Variants in SUPT3H observed in about 807,000 individuals in gnomAD.
SUPT3H encodes transcription initiation protein SPT3 homolog.
Under a neutral mutation model 44.3 loss-of-function variants are expected in SUPT3H, and 44 were observed. The observed-to-expected ratio is 0.99, with a 90% CI of 0.78 to 1.28. SUPT3H has a LOEUF of 1.28. SUPT3H is among the 50% of genes most tolerant of loss of function. The probability of loss-of-function intolerance (pLI) is 0.00; values close to 1 mark genes in which losing one functional copy is unlikely to be tolerated. For missense variants in SUPT3H, 380 were observed against 387.1 expected (o/e 0.98, Z 0.15); for synonymous variants, 124 against 125.6 (o/e 0.99, Z 0.09).
intron 3 of SUPT3H, among the ~76,000 whole-genome samples, chr6:45,100,089 C>T (rs139062494): frequency 6.8e-4 from 104 of 152,142 alleles, no homozygotes; most frequent in Non-Finnish European, 1.1e-3. Flanking sequence ...AAAATCAACT[C>T]AAAATGAATT....
chr6:45,255,702 C>T (rs1432689183), intron 2 of SUPT3H, among the ~76,000 whole-genome samples: 1 of 152,094 alleles, frequency 6.6e-6, no homozygotes, highest in Non-Finnish European at 1.5e-5. Flanking sequence ...GGACTAAAAG[C>T]ATGACCCATC....
chr6:45,031,681 A>C (rs1056351377), intron 3 of SUPT3H, among the ~76,000 whole-genome samples: 1 of 152,154 alleles, frequency 6.6e-6, no homozygotes, highest in Admixed American at 6.6e-5. Context: ...CTAGTGTTTA[A>C]CCCTGGGTAT....
intron 3 of SUPT3H, among the ~76,000 whole-genome samples, chr6:45,059,290 A>G (rs761455622): frequency 1.3e-5 from 2 of 152,184 alleles, no homozygotes; most frequent in Non-Finnish European, 2.9e-5. Context: ...AACATATGCA[A>G]ATCAATAAAT....
intron 10 of SUPT3H, among the ~76,000 whole-genome samples, chr6:44,871,060 G>A (rs1220334669): frequency 2.0e-5 from 3 of 149,452 alleles, no homozygotes; most frequent in East Asian, 2.0e-4. Flanking sequence ...AGGCGGCAAC[G>A]AGGCTGGGGG....
intron 1 of SUPT3H, among the ~76,000 whole-genome samples, chr6:45,373,126 A>G (rs1190060220): frequency 1.3e-5 from 2 of 151,556 alleles, no homozygotes; most frequent in East Asian, 3.9e-4. Context: ...TTTGTTTTAA[A>G]TTTTTTCTAG....
intron 10 of SUPT3H, among the ~76,000 whole-genome samples, chr6:44,895,137 G>A (rs1763924998): frequency 6.6e-6 from 1 of 151,648 alleles, no homozygotes; most frequent in Non-Finnish European, 1.5e-5. Context: ...TGAACCATAA[G>A]AAAGTCCATT....
intron 2 of SUPT3H, among the ~76,000 whole-genome samples, chr6:45,226,795 C>A (rs993545719): frequency 6.6e-6 from 1 of 151,996 alleles, no homozygotes; most frequent in Non-Finnish European, 1.5e-5. Flanking sequence ...TCCTAAAGTG[C>A]TGGGATTACA....
At chr6:45,062,097 T>C (rs1263469614) in intron 3 of SUPT3H, among the ~76,000 whole-genome samples, 3 of 151,914 alleles carry the variant, frequency 2.0e-5, no homozygotes, top group African/African-American at 7.3e-5. Context: ...TATATGAATA[T>C]ACACCTTATC....
chr6:45,059,643 A>T (rs1439547885), intron 3 of SUPT3H, among the ~76,000 whole-genome samples: 2 of 152,134 alleles, frequency 1.3e-5, no homozygotes, highest in African/African-American at 4.8e-5. Context: ...GAGGAAGTCA[A>T]ATTATCTTTG....
chr6:44,862,580 G>A (rs1009967734), intron 10 of SUPT3H, among the ~76,000 whole-genome samples: 1 of 151,486 alleles, frequency 6.6e-6, no homozygotes, highest in Non-Finnish European at 1.5e-5. Context: ...GGGAGGCTGA[G>A]GCAGGGAGAA....
At chr6:45,226,842 T>A (rs1013684053) in intron 2 of SUPT3H, among the ~76,000 whole-genome samples, 14 of 151,784 alleles carry the variant, frequency 9.2e-5, no homozygotes, top group East Asian at 5.8e-4. Context: ...AAAAATATTT[T>A]AAAAAAACTA....
At chr6:45,249,742 C>A (rs1042482427) in intron 2 of SUPT3H, among the ~76,000 whole-genome samples, 4 of 152,030 alleles carry the variant, frequency 2.6e-5, no homozygotes, top group Non-Finnish European at 5.9e-5. Context: ...CTGCAAAACA[C>A]TGAAGCTTTC....
chr6:45,180,478 C>T (rs1300314573), intron 2 of SUPT3H, among the ~76,000 whole-genome samples: 1 of 146,094 alleles, frequency 6.8e-6, no homozygotes. Context: ...TACTACAAGG[C>T]TACAGTAACC....
At chr6:44,960,332 C>CAGGAGGAGG (rs547229274) in intron 7 of SUPT3H, among the ~76,000 whole-genome samples, 4 of 145,110 alleles carry the variant, frequency 2.8e-5, no homozygotes, top group Non-Finnish European at 6.0e-5. Context: ...CACTTGAACC[C>CAGGAGGAGG]AGGAGGAGGA....
chr6:45,279,082 A>T (rs900195111), intron 2 of SUPT3H, among the ~76,000 whole-genome samples: 1 of 152,202 alleles, frequency 6.6e-6, no homozygotes, highest in Admixed American at 6.5e-5. Flanking sequence ...TTTTTATTTA[A>T]TTCTCGATTA....
At chr6:44,836,684 T>C (rs1769972394) in intron 10 of SUPT3H, among the ~76,000 whole-genome samples, 1 of 152,220 alleles carries the variant, frequency 6.6e-6, no homozygotes, top group African/African-American at 2.4e-5. Flanking sequence ...AAAGTTACCA[T>C]TCATAATTGC....
intron 6 of SUPT3H, among the ~76,000 whole-genome samples, chr6:44,978,515 A>G (rs532063520): frequency 6.6e-6 from 1 of 152,354 alleles, no homozygotes; most frequent in South Asian, 2.1e-4. Flanking sequence ...TAAAAGATAA[A>G]AACTGTCATT....
intron 2 of SUPT3H, among the ~76,000 whole-genome samples, chr6:45,308,464 T>A (rs1432890012): frequency 6.6e-6 from 1 of 152,168 alleles, no homozygotes; most frequent in African/African-American, 2.4e-5. Flanking sequence ...GAAAAGAATT[T>A]TCAACCCAGA....
intron 2 of SUPT3H, among the ~76,000 whole-genome samples, chr6:45,129,798 C>T (rs1803140952): frequency 6.6e-6 from 1 of 151,878 alleles, no homozygotes; most frequent in Non-Finnish European, 1.5e-5. Context: ...ATTGGATATT[C>T]TCTTTTGGGG....
Sources: gnomAD v4.1 joint callset for allele counts (sites outside exome capture counted in the v4.1 genomes callset) on GRCh38, gnomAD v4.1.1 for gene constraint, MANE v1.5 for transcripts, NCBI Gene and HGNC (gene_info 2026-07-23, HGNC 2026-07-21) for gene names.